DCLK1: variants seen among roughly 807,000 people sequenced by gnomAD.
The protein encoded by DCLK1 is serine/threonine-protein kinase DCLK1.
In DCLK1, 16 loss-of-function variants were observed where a neutral mutation model predicts 86.2. The observed-to-expected ratio is 0.19, with a 90% CI of 0.13 to 0.28. DCLK1 has a LOEUF of 0.28. Ranked by LOEUF, DCLK1 falls within the 10% of genes least tolerant of loss-of-function variation. The probability of loss-of-function intolerance (pLI) is 1.00; values close to 1 mark genes in which losing one functional copy is unlikely to be tolerated. For missense variants in DCLK1, 590 were observed against 940.2 expected (o/e 0.63, Z 4.87); for synonymous variants, 369 against 370.5 (o/e 1.00, Z 0.05).
chr13:36,119,207 G>A (rs1350858780), intron 2 of DCLK1, among the ~76,000 whole-genome samples: 2 of 152,184 alleles, frequency 1.3e-5, no homozygotes, highest in Non-Finnish European at 1.5e-5. Flanking sequence ...CAGGTAGTTG[G>A]AGTGCAGAAG....
intron 3 of DCLK1, among the ~76,000 whole-genome samples, chr13:36,096,367 T>C (rs1182950256): frequency 6.6e-6 from 1 of 152,176 alleles, no homozygotes; most frequent in Admixed American, 6.5e-5. Flanking sequence ...GAATACACAA[T>C]CTTTTCTGGA....
intron 3 of DCLK1, among the ~76,000 whole-genome samples, chr13:36,089,165 T>G (rs9315385): frequency 0.17 from 26,425 of 152,182 alleles, 2,720 homozygotes; most frequent in East Asian, 0.44. Flanking sequence ...TTAATTTTTT[T>G]TCTAGCGTCT....
intron 3 of DCLK1, among the ~76,000 whole-genome samples, chr13:36,092,498 T>C (rs1325171997): frequency 6.9e-6 from 1 of 144,608 alleles, no homozygotes; most frequent in African/African-American, 2.5e-5. Flanking sequence ...TTTTTTTTTT[T>C]TTTTTTGAGA....
chr13:35,905,514 AGAT>A (rs1874639737), intron 4 of DCLK1, among the ~76,000 whole-genome samples: 1 of 152,236 alleles, frequency 6.6e-6, no homozygotes, highest in African/African-American at 2.4e-5. Flanking sequence ...CACACACAGA[AGAT>A]GACAAAGTCA....
intron 10 of DCLK1, among the ~76,000 whole-genome samples, chr13:35,823,864 C>A (rs745784790): frequency 6.6e-6 from 1 of 152,218 alleles, no homozygotes; most frequent in Non-Finnish European, 1.5e-5. Flanking sequence ...CGGGCCTGGG[C>A]CCTCTGTGCC....
intron 8 of DCLK1, among the ~76,000 whole-genome samples, chr13:35,830,106 G>T (rs1175162962): frequency 5.3e-5 from 8 of 152,144 alleles, no homozygotes; most frequent in Admixed American, 5.2e-4. Context: ...TAAAACGTGG[G>T]TTGGGGCAGT....
At chr13:36,033,121 C>G (rs563560286) in intron 3 of DCLK1, among the ~76,000 whole-genome samples, 25 of 152,322 alleles carry the variant, frequency 1.6e-4, no homozygotes, top group Middle Eastern at 3.4e-3. Context: ...TTGGCCTACA[C>G]TCACGCTTTT....
intron 4 of DCLK1, among the ~76,000 whole-genome samples, chr13:35,918,311 T>C (rs1875556510): frequency 6.6e-6 from 1 of 152,196 alleles, no homozygotes; most frequent in African/African-American, 2.4e-5. Context: ...GTGGTTGCAA[T>C]AGGTAATACC....
At chr13:35,915,406 A>G (rs1875347451) in intron 4 of DCLK1, among the ~76,000 whole-genome samples, 1 of 152,152 alleles carries the variant, frequency 6.6e-6, no homozygotes, top group Admixed American at 6.6e-5. Context: ...TACCTATTCA[A>G]AGATGAGTTT....
intron 4 of DCLK1, among the ~76,000 whole-genome samples, chr13:35,874,841 G>T (rs942305533): frequency 2.6e-5 from 4 of 152,184 alleles, no homozygotes; most frequent in Non-Finnish European, 4.4e-5. Context: ...CCATGCAACT[G>T]ACAACACATC....
chr13:35,872,682 A>C (rs1022715829), intron 4 of DCLK1, among the ~76,000 whole-genome samples: 3 of 152,114 alleles, frequency 2.0e-5, no homozygotes, highest in Non-Finnish European at 4.4e-5. Context: ...AAAAATTATA[A>C]ATTCAAAATT....
chr13:35,991,131 G>C (rs1880199937), intron 3 of DCLK1, among the ~76,000 whole-genome samples: 1 of 152,106 alleles, frequency 6.6e-6, no homozygotes, highest in South Asian at 2.1e-4. Context: ...CAGGTCATAA[G>C]ACCCTCATGG....
At chr13:35,890,505 T>A (rs1442534744) in intron 4 of DCLK1, among the ~76,000 whole-genome samples, 2 of 152,212 alleles carry the variant, frequency 1.3e-5, no homozygotes, top group Admixed American at 6.5e-5. Flanking sequence ...TAGTTTTTAC[T>A]TTTTTCCCTC....
intron 3 of DCLK1, among the ~76,000 whole-genome samples, chr13:36,077,356 A>G (rs1049167833): frequency 1.2e-4 from 18 of 152,180 alleles, no homozygotes; most frequent in African/African-American, 4.3e-4. Flanking sequence ...GGATTCAAAA[A>G]GTTCTCAGAA....
intron 4 of DCLK1, among the ~76,000 whole-genome samples, chr13:35,897,569 C>T (rs1874079826): frequency 1.3e-5 from 2 of 152,054 alleles, no homozygotes; most frequent in South Asian, 4.2e-4. Flanking sequence ...AGAACTTTTC[C>T]CATTAAAGGC....
intron 3 of DCLK1, among the ~76,000 whole-genome samples, chr13:36,053,290 G>A (rs1458920056): frequency 1.3e-5 from 2 of 152,108 alleles, no homozygotes; most frequent in African/African-American, 2.4e-5. Flanking sequence ...ACAGTCTAGC[G>A]AGCGGGGCAG....
chr13:35,812,091 C>T lies in DCLK1; in HGVS notation c.1555-1123G>A, dbSNP rs1042515781. 2.0e-4 allele frequency among the ~76,000 whole-genome samples: 31 copies of T among 152,134 alleles called. 1 individual carries two copies. Among genetic ancestry groups the T allele is most frequent in the Non-Finnish European group, 4.4e-5 (3 of 68,018 alleles). ...TAAAAATCTTCTCTCTTTCACCCAA[C>T]AAATCAAGAAAAGGATGCATGTGAC... On this transcript the variant is annotated intron_variant, in intron 11 of 16. Coordinates refer to ENST00000360631, the MANE Select transcript of DCLK1 (RefSeq NM_001330071.2).
chr13:35,883,805 A>T (rs1873063153), intron 4 of DCLK1, among the ~76,000 whole-genome samples: 1 of 152,208 alleles, frequency 6.6e-6, no homozygotes, highest in African/African-American at 2.4e-5. Flanking sequence ...GATGGATTGC[A>T]TAGGGGCAGG....
chr13:36,052,562 T>C (rs75279170), intron 3 of DCLK1, among the ~76,000 whole-genome samples: 1,720 of 152,222 alleles, frequency 0.011, 39 homozygotes, highest in African/African-American at 0.039. Flanking sequence ...GAATAGGTAG[T>C]TAAATAAGAC....
Sources: gnomAD v4.1 joint callset for allele counts (sites outside exome capture counted in the v4.1 genomes callset) on GRCh38, gnomAD v4.1.1 for gene constraint, MANE v1.5 for transcripts, NCBI Gene and HGNC (gene_info 2026-07-23, HGNC 2026-07-21) for gene names.